The following CNTN5 variants were observed in gnomAD, a reference collection of about 807,000 sequenced individuals.
CNTN5 encodes the protein contactin 5, also known as contactin-5.
CNTN5 carries 77 observed loss-of-function variants against 129.1 expected under a neutral mutation model. That is an observed-to-expected ratio of 0.60 (90% CI 0.50 to 0.72). CNTN5 has a LOEUF of 0.72. Ranked by LOEUF, CNTN5 falls within the 30% of genes least tolerant of loss-of-function variation. The pLI, the probability that CNTN5 is intolerant of heterozygous loss-of-function variation, is 0.00. For synonymous variants in CNTN5, 509 were observed against 465.6 expected (o/e 1.09, Z -1.20); for missense variants, 1,478 against 1,328.8 (o/e 1.11, Z -1.75).
At chr11:99,442,915 T>C (rs1453617200) in intron 2 of CNTN5, among the ~76,000 whole-genome samples, 1 of 152,210 alleles carries the variant, frequency 6.6e-6, no homozygotes, top group African/African-American at 2.4e-5. Flanking sequence ...TCCATGTGGA[T>C]GGCACTGTGA....
intron 3 of CNTN5, among the ~76,000 whole-genome samples, chr11:99,674,465 A>T (rs1203210420): frequency 2.6e-5 from 4 of 152,000 alleles, no homozygotes; most frequent in African/African-American, 9.7e-5. Flanking sequence ...AGTTAGATCT[A>T]TGTGGGCATT....
chr11:99,906,034 G>A (rs1949495034), intron 6 of CNTN5, among the ~76,000 whole-genome samples: 1 of 152,070 alleles, frequency 6.6e-6, no homozygotes, highest in South Asian at 2.1e-4. Context: ...GGAGATTTTG[G>A]GCTGAGACGA....
intron 6 of CNTN5, among the ~76,000 whole-genome samples, chr11:99,891,957 A>C (rs2135911133): frequency 6.6e-6 from 1 of 152,294 alleles, no homozygotes; most frequent in Admixed American, 6.5e-5. Context: ...ACAGTGTAAA[A>C]GCATTTCTAT....
intron 9 of CNTN5, among the ~76,000 whole-genome samples, chr11:100,055,600 G>A (rs1292234706): frequency 2.6e-5 from 4 of 151,322 alleles, no homozygotes; most frequent in Admixed American, 2.0e-4. Context: ...CCGCTATATT[G>A]AACATAATTG....
chr11:99,394,128 C>G (rs369253599), intron 2 of CNTN5, among the ~76,000 whole-genome samples: 1 of 151,484 alleles, frequency 6.6e-6, no homozygotes, highest in African/African-American at 2.4e-5. Flanking sequence ...GATAATGAAA[C>G]GTATTCCTCA....
intron 4 of CNTN5, among the ~76,000 whole-genome samples, chr11:99,832,045 G>A (rs1947157688): frequency 6.6e-6 from 1 of 152,110 alleles, no homozygotes; most frequent in South Asian, 2.1e-4. Flanking sequence ...CCACCACTGT[G>A]CTGTACATTC....
At chr11:99,508,584 C>A (rs759250373) in intron 2 of CNTN5, among the ~76,000 whole-genome samples, 1 of 152,076 alleles carries the variant, frequency 6.6e-6, no homozygotes, top group Non-Finnish European at 1.5e-5. Context: ...GAGCAAACTG[C>A]AATTAGCTGT....
intron 1 of CNTN5, among the ~76,000 whole-genome samples, chr11:99,143,337 GTA>G (rs66737761): frequency 0.26 from 37,226 of 145,028 alleles, 5,092 homozygotes; most frequent in Middle Eastern, 0.31. Flanking sequence ...TAATATATAT[GTA>G]TGTGTGTATA....
At chr11:99,514,418 G>A (rs563940937) in intron 2 of CNTN5, among the ~76,000 whole-genome samples, 33 of 151,894 alleles carry the variant, frequency 2.2e-4, no homozygotes, top group African/African-American at 8.0e-4. Flanking sequence ...TTCTACCATG[G>A]GCAAAATGTT....
intron 8 of CNTN5, among the ~76,000 whole-genome samples, chr11:99,962,986 C>T (rs1464739403): frequency 1.3e-5 from 2 of 151,890 alleles, no homozygotes; most frequent in African/African-American, 4.8e-5. Context: ...ATATCCTTCG[C>T]CCACTTTTTG....
intron 1 of CNTN5, among the ~76,000 whole-genome samples, chr11:99,059,526 G>A (rs1323706459): frequency 6.6e-6 from 1 of 152,004 alleles, no homozygotes; most frequent in Admixed American, 6.6e-5. Context: ...TGAACAATAG[G>A]TTTTCTTCTC....
At chr11:99,057,936 G>GA (rs1040662439) in intron 1 of CNTN5, among the ~76,000 whole-genome samples, 6 of 151,730 alleles carry the variant, frequency 4.0e-5, no homozygotes, top group Non-Finnish European at 5.9e-5. Flanking sequence ...GACAGTGAGG[G>GA]AAAAATCCAT....
intron 6 of CNTN5, among the ~76,000 whole-genome samples, chr11:99,911,373 C>T (rs748106942): frequency 6.6e-6 from 1 of 151,810 alleles, no homozygotes; most frequent in Non-Finnish European, 1.5e-5. Context: ...TCCAAACACA[C>T]CTCCTATAAG....
chr11:100,340,039 T>C (rs1433165846), intron 21 of CNTN5, among the ~76,000 whole-genome samples: 2 of 152,200 alleles, frequency 1.3e-5, no homozygotes, highest in African/African-American at 2.4e-5. Flanking sequence ...GATTCATCTT[T>C]ATGTGAAGCT....
intron 3 of CNTN5, among the ~76,000 whole-genome samples, chr11:99,606,629 C>G (rs1011826107): frequency 1.5e-5 from 2 of 137,138 alleles, no homozygotes; most frequent in Non-Finnish European, 1.6e-5. Context: ...AAAAAGAGCC[C>G]GCATCACCAA....
chr11:100,041,081 T>C (rs1016807874), intron 9 of CNTN5, among the ~76,000 whole-genome samples: 1 of 152,204 alleles, frequency 6.6e-6, no homozygotes, highest in Non-Finnish European at 1.5e-5. Flanking sequence ...CACTAGGAGC[T>C]GTAGACTGGA....
intron 1 of CNTN5, among the ~76,000 whole-genome samples, chr11:99,252,687 T>A (rs968516997): frequency 9.2e-5 from 14 of 152,032 alleles, no homozygotes; most frequent in African/African-American, 3.4e-4. Flanking sequence ...AATTCGCTAG[T>A]TACTAATCAA....
chr11:99,953,565 A>T (rs1328174575), intron 7 of CNTN5, among the ~76,000 whole-genome samples: 1 of 152,218 alleles, frequency 6.6e-6, no homozygotes, highest in Non-Finnish European at 1.5e-5. Flanking sequence ...CCCTGAGGAG[A>T]TCTTGGAAGC....
intron 13 of CNTN5, among the ~76,000 whole-genome samples, chr11:100,094,514 T>A (rs2138019388): frequency 6.6e-6 from 1 of 152,236 alleles, no homozygotes; most frequent in African/African-American, 2.4e-5. Context: ...AACGTTTAAA[T>A]AATATTTCCC....
Sources: allele counts gnomAD v4.1 joint callset (sites outside exome capture counted in the v4.1 genomes callset), GRCh38; gene constraint gnomAD v4.1.1; transcripts MANE v1.5; gene names NCBI Gene and HGNC (gene_info 2026-07-23, HGNC 2026-07-21).